The following GABRG3 variants were observed in gnomAD, a reference collection of about 807,000 sequenced individuals.
The protein encoded by GABRG3 is gamma-aminobutyric acid type A receptor subunit gamma3, also known as gamma-aminobutyric acid receptor subunit gamma-3.
GABRG3 carries 25 observed loss-of-function variants against 48.8 expected under a neutral mutation model. The ratio of observed to expected loss-of-function variants is 0.51; its 90% CI spans 0.37 to 0.72. The LOEUF is 0.72. GABRG3 is among the 30% of genes least tolerant of loss of function. GABRG3 has a pLI of 0.00. For synonymous variants in GABRG3, 227 were observed against 217.6 expected (o/e 1.04, Z -0.38); for missense variants, 394 against 577.9 (o/e 0.68, Z 3.26).
At chr15:27,187,392 C>CT (rs932701098) in intron 3 of GABRG3, among the ~76,000 whole-genome samples, 2 of 152,020 alleles carry the variant, frequency 1.3e-5, no homozygotes, top group African/African-American at 4.8e-5. Flanking sequence ...TATTCAGGCC[C>CT]TTTTTTGATT....
chr15:27,349,261 G>C (rs1894477120), intron 5 of GABRG3, among the ~76,000 whole-genome samples: 1 of 151,686 alleles, frequency 6.6e-6, no homozygotes, highest in South Asian at 2.1e-4. Context: ...ATATATAATT[G>C]AATTAAAAAA....
chr15:27,268,985 G>A (rs1448471627), intron 3 of GABRG3, among the ~76,000 whole-genome samples: 1 of 152,172 alleles, frequency 6.6e-6, no homozygotes, highest in East Asian at 1.9e-4. Context: ...CCCAGGGTCT[G>A]TCTTGCAAAT....
At chr15:27,459,482 T>A (rs927475414) in intron 5 of GABRG3, among the ~76,000 whole-genome samples, 1 of 152,246 alleles carries the variant, frequency 6.6e-6, no homozygotes, top group African/African-American at 2.4e-5. Context: ...ATTACACACT[T>A]AACAGTCTGC....
chr15:27,471,918 C>T (rs1889798872), intron 5 of GABRG3, among the ~76,000 whole-genome samples: 1 of 152,168 alleles, frequency 6.6e-6, no homozygotes, highest in Non-Finnish European at 1.5e-5. Flanking sequence ...CTGTACTTCT[C>T]CTGGCCATTC....
intron 3 of GABRG3, among the ~76,000 whole-genome samples, chr15:27,139,165 C>T (rs780184764): frequency 3.9e-5 from 6 of 152,084 alleles, no homozygotes; most frequent in African/African-American, 9.7e-5. Context: ...TGGGGAGGCC[C>T]GGAGCATGGC....
intron 3 of GABRG3, among the ~76,000 whole-genome samples, chr15:27,080,224 A>G (rs1896970009): frequency 1.3e-5 from 2 of 152,188 alleles, no homozygotes; most frequent in Admixed American, 1.3e-4. Context: ...CTGAGGCAGG[A>G]GGACCACTTG....
Position 27,327,019 on chromosome 15 carries a change from T to C in GABRG3, c.481T>C (p.Tyr161His), listed in dbSNP as rs768952473. The C allele has an allele frequency of 2.5e-6, 4 of 1,613,288 alleles. No homozygotes were observed. Among genetic ancestry groups the C allele is most frequent in the African/African-American group, 1.3e-5 (1 of 74,924 alleles). The change falls in exon 4 of 10, where the codon TAC becomes CAC. Residue 161 changes from tyrosine to histidine, a missense_variant. Tyr to His is a moderately conservative substitution (Grantham distance 83, BLOSUM62 2). Transcript: ENST00000615808. ...GATTTGGAATGACGGGAAAATCCTT[T>C]ACACTTTGAGGTAAGATGCTGCATC... is the stretch of plus-strand genomic sequence containing the variant. ...LRIWNDGKIL[Y>H]TLRLTINAEC... is the part of the protein sequence containing the mutation.
At chr15:27,156,927 TCA>T (rs1375754293) in intron 3 of GABRG3, among the ~76,000 whole-genome samples, 2 of 152,208 alleles carry the variant, frequency 1.3e-5, no homozygotes, top group African/African-American at 4.8e-5. Context: ...ACCTGACAAG[TCA>T]TTTCTTCCCA....
At chr15:27,429,328 C>T (rs982445143) in intron 5 of GABRG3, among the ~76,000 whole-genome samples, 26 of 152,120 alleles carry the variant, frequency 1.7e-4, no homozygotes, top group Non-Finnish European at 3.7e-4. Flanking sequence ...GCTTACATGG[C>T]GATGAGTCCT....
At position 27,109,436 on chromosome 15, in the gene GABRG3, A is replaced by G. The variant is rs560336880; in HGVS notation, c.270+82615A>G. Among the ~76,000 whole-genome samples the G allele has an allele frequency of 5.6e-4, 85 of 152,328 alleles. 1 individual carries two copies. The highest frequency in any genetic ancestry group is 8.4e-4 in the Non-Finnish European group (57 of 68,034). Reference sequence around the variant, plus strand: ...AACGCTATGTATCTACTGTTACAGTATCATACAGAATAGTTTCATTACCTC... The same window carrying G: ...AACGCTATGTATCTACTGTTACAGTGTCATACAGAATAGTTTCATTACCTC... On this transcript the variant is annotated intron_variant, in intron 3 of 9. Coordinates refer to ENST00000615808, the MANE Select transcript of GABRG3 (RefSeq NM_033223.5).
At chr15:27,064,766 A>G (rs1376272724) in intron 3 of GABRG3, among the ~76,000 whole-genome samples, 1 of 152,178 alleles carries the variant, frequency 6.6e-6, no homozygotes, top group Non-Finnish European at 1.5e-5. Flanking sequence ...AGGTGCTTTC[A>G]GGACTCAGGG....
intron 3 of GABRG3, among the ~76,000 whole-genome samples, chr15:27,048,354 G>A (rs553685148): frequency 6.6e-6 from 1 of 152,270 alleles, no homozygotes; most frequent in Non-Finnish European, 1.5e-5. Context: ...CAGGTGCCAG[G>A]CTCCCGGCTG....
chr15:27,169,336 G>A (rs1322274247), intron 3 of GABRG3, among the ~76,000 whole-genome samples: 2 of 152,134 alleles, frequency 1.3e-5, no homozygotes, highest in South Asian at 2.1e-4. Flanking sequence ...GCACTTCCTG[G>A]GGAGGGAGGA....
chr15:27,276,141 G>A (rs1891246308), intron 3 of GABRG3, among the ~76,000 whole-genome samples: 1 of 152,206 alleles, frequency 6.6e-6, no homozygotes, highest in African/African-American at 2.4e-5. Context: ...AGAGACTTAA[G>A]AGCAGGCAGG....
intron 4 of GABRG3, among the ~76,000 whole-genome samples, chr15:27,327,539 C>T (rs1388582853): frequency 2.6e-5 from 4 of 152,202 alleles, no homozygotes; most frequent in African/African-American, 4.8e-5. Context: ...ACAGTCACCA[C>T]TGGGAGCCTG....
In GABRG3 at chr15:27,443,943, T is replaced by A. The variant is rs530209547; in HGVS notation, c.575-36707T>A. Among the ~76,000 whole-genome samples, 103 of 152,340 alleles carry A rather than the reference T, an allele frequency of 6.8e-4. 1 individual carries two copies. The highest frequency in any genetic ancestry group is 2.4e-3 in the African/African-American group (101 of 41,586). On this transcript the variant is annotated intron_variant, in intron 5 of 9. Transcript: ENST00000615808. The stretch of plus-strand genomic sequence containing the variant: ...TTTACTCTGTTAATAAGGTAAAACA[T>A]ATCTATTAATCAACAAATGTTATAG...
chr15:27,407,845 G>T (rs1267777687), intron 5 of GABRG3, among the ~76,000 whole-genome samples: 1 of 152,164 alleles, frequency 6.6e-6, no homozygotes, highest in African/African-American at 2.4e-5. Flanking sequence ...GGAGCCCAGA[G>T]AATTTTTTGG....
At position 27,057,960 on chromosome 15, in the gene GABRG3, T is replaced by C. The variant is rs751839551; in HGVS notation, c.270+31139T>C. Among the ~76,000 whole-genome samples, 109 of 152,164 alleles carry C rather than the reference T, an allele frequency of 7.2e-4. 1 individual carries two copies. Among genetic ancestry groups the C allele is most frequent in the Non-Finnish European group, 1.3e-3 (87 of 68,032 alleles). ...CTGCAACCGGGCTTCTTACAGGACA[T>C]GAGTGCATTCTCCATCCACTGGGAG... On this transcript the variant is annotated intron_variant, in intron 3 of 9. Transcript: ENST00000615808.
chr15:27,212,259 G>A (rs1205792641), intron 3 of GABRG3, among the ~76,000 whole-genome samples: 1 of 152,130 alleles, frequency 6.6e-6, no homozygotes, highest in South Asian at 2.1e-4. Context: ...CTACTGACAG[G>A]GACTCAGGAA....
Sources: allele counts gnomAD v4.1 joint callset (sites outside exome capture counted in the v4.1 genomes callset), GRCh38; gene constraint gnomAD v4.1.1; transcripts MANE v1.5; gene names NCBI Gene and HGNC (gene_info 2026-07-23, HGNC 2026-07-21).